Variants in MYLK4 observed in about 807,000 individuals in gnomAD.
The protein encoded by MYLK4 is caMLCK like.
In MYLK4, 46 loss-of-function variants were observed where a neutral mutation model predicts 48.1. The ratio of observed to expected loss-of-function variants is 0.96; its 90% confidence interval spans 0.75 to 1.22. The LOEUF is 1.22. Among genes scored for constraint, MYLK4 ranks in the 50% most tolerant of loss-of-function variants. MYLK4 has a pLI of 0.00. For missense variants in MYLK4, 451 were observed against 486.1 expected, an observed-to-expected ratio of 0.93 and a Z score of 0.68; for synonymous variants, 170 against 180.8, an observed-to-expected ratio of 0.94 and a Z score of 0.48.
At chr6:2,719,159 C>T (rs970295822) in intron 2 of MYLK4, among the ~76,000 whole-genome samples, 1 of 152,164 alleles carries the variant, frequency 6.6e-6, no homozygotes, top group Non-Finnish European at 1.5e-5. Flanking sequence ...CTTCAAAGGG[C>T]AGGACATGCA....
chr6:2,697,196 C>T (rs1293888342), intron 2 of MYLK4, among the ~76,000 whole-genome samples: 2 of 152,088 alleles, frequency 1.3e-5, no homozygotes, highest in Non-Finnish European at 2.9e-5. Flanking sequence ...AATTTGGAGA[C>T]AATTGTAGAT....
At chr6:2,671,414 T>G in intron 11 of MYLK4, 66 bp from the exon 12 acceptor site, 1 of 1,460,900 alleles carries the variant, frequency 6.8e-7, no homozygotes. Flanking sequence ...ACTTATGAGC[T>G]CACATGAAAA....
intron 12 of MYLK4, among the ~76,000 whole-genome samples, chr6:2,669,603 G>A (rs1346378851): frequency 6.6e-6 from 1 of 152,144 alleles, no homozygotes; most frequent in East Asian, 1.9e-4. Flanking sequence ...TGGGGGTGAG[G>A]GTGAAGGCGA....
Position 2,711,882 on chromosome 6 carries a change from T to C in MYLK4, c.160-19023A>G, listed in dbSNP as rs184018640. Among the ~76,000 whole-genome samples the C allele has an allele frequency of 4.6e-5, 7 of 152,242 alleles. No homozygotes were observed. In the East Asian group the frequency reaches 1.3e-3, roughly 29 times the overall value. On this transcript the variant is annotated intron_variant, in intron 2 of 12. Coordinates refer to ENST00000274643, the MANE Select transcript of MYLK4 (RefSeq NM_001012418.5). ...AAAAAAGCAACATACAAATGATAAA[T>C]GTTTTTCAAAATAACTAAAGCTCTT... is the stretch of plus-strand genomic sequence containing the variant.
the MYLK4 span, among the ~76,000 whole-genome samples, chr6:2,759,915 G>C: frequency 2.6e-5 from 4 of 152,080 alleles, no homozygotes; most frequent in Admixed American, 1.3e-4. Context: ...CCAATAATTT[G>C]ACAATACAGT....
At chr6:2,762,295 A>T in the MYLK4 span, among the ~76,000 whole-genome samples, 1 of 152,212 alleles carries the variant, frequency 6.6e-6, no homozygotes, top group African/African-American at 2.4e-5. Flanking sequence ...ACGTAAAATT[A>T]GGTCTATATG....
intron 9 of MYLK4, among the ~76,000 whole-genome samples, chr6:2,678,730 G>A (rs368151267): frequency 2.1e-5 from 1 of 47,956 alleles, no homozygotes; most frequent in Non-Finnish European, 4.4e-5. Context: ...TTTTTTTTTT[G>A]AGACGGAGTC....
intron 2 of MYLK4, among the ~76,000 whole-genome samples, chr6:2,734,908 C>A (rs952178606): frequency 6.6e-6 from 1 of 152,040 alleles, no homozygotes; most frequent in Admixed American, 6.6e-5. Context: ...GGATGGGGCC[C>A]GAGAGCCTGC....
At chr6:2,715,464 T>C (rs1762834782) in intron 2 of MYLK4, among the ~76,000 whole-genome samples, 1 of 152,220 alleles carries the variant, frequency 6.6e-6, no homozygotes, top group African/African-American at 2.4e-5. Flanking sequence ...TCTATGTTGC[T>C]GTTTGGAACC....
At chr6:2,671,909 G>T (rs1760910304) in intron 11 of MYLK4, among the ~76,000 whole-genome samples, 1 of 152,226 alleles carries the variant, frequency 6.6e-6, no homozygotes, top group African/African-American at 2.4e-5. Context: ...AGACTCAAAA[G>T]AAGAGCTGGG....
chr6:2,695,415 A>T (rs1052313812), intron 2 of MYLK4, among the ~76,000 whole-genome samples: 1 of 152,246 alleles, frequency 6.6e-6, no homozygotes, highest in Admixed American at 6.5e-5. Context: ...CCCTGAGGCC[A>T]TCTGAGTATC....
At chr6:2,753,734 CA>C (rs761080849), upstream of MYLK4, among the ~76,000 whole-genome samples, 5 of 151,278 alleles carry the variant, frequency 3.3e-5, no homozygotes, top group East Asian at 3.9e-4. Flanking sequence ...CAGACCTCAC[CA>C]AAGAAGATAT....
At position 2,685,422 on chromosome 6, in the gene MYLK4, A is replaced by C; in HGVS notation, c.436-17T>G. 1 of 1,282,216 alleles carries C rather than the reference A, an allele frequency of 7.8e-7. No individual in the cohort carries two copies. Among genetic ancestry groups the C allele is most frequent in the Non-Finnish European group, 1.1e-6 (1 of 944,724 alleles). The allele number at this position is 1,282,216 out of a possible 1,614,324, so 79.4% of individuals were successfully genotyped here. Reference sequence around the variant, plus strand: ...CACCTCCTCCTGAGAAGCAGGAAACAGTGCATTAGTGTGGTCAAGATGGGG... The same window carrying C: ...CACCTCCTCCTGAGAAGCAGGAAACCGTGCATTAGTGTGGTCAAGATGGGG... On this transcript the variant is annotated splice_polypyrimidine_tract_variant and intron_variant, in intron 5 of 12. Transcript: ENST00000274643. This position sits in a 1 kb window ranked among gnomAD's most constrained non-coding sequence, Gnocchi z 4.5.
chr6:2,677,421 G>A (rs1045038475), intron 10 of MYLK4, among the ~76,000 whole-genome samples: 1 of 152,148 alleles, frequency 6.6e-6, no homozygotes, highest in Non-Finnish European at 1.5e-5. Context: ...ATAATAAAAC[G>A]ATAAGGCAAG....
At position 2,666,703 on chromosome 6, in the gene MYLK4, T is replaced by G. The variant is rs184471125; in HGVS notation, c.*1222A>C. 6.6e-6 allele frequency: 1 copy of G among 152,312 alleles called. No homozygotes were observed. The highest frequency in any genetic ancestry group is 1.9e-4 in the East Asian group (1 of 5,188). The allele number at this position is 152,312 out of a possible 1,614,324, so 9.4% of individuals were successfully genotyped here. A position where few individuals can be genotyped will look rare whatever the true frequency, so the allele number is the denominator to read the frequency against. ...CTTCATGTGGAAATGACACACTCAT[T>G]TCGCTCTTTAAAGCCCAGTGCCTTT... On this transcript the variant is annotated 3_prime_UTR_variant, in exon 13 of 13. Coordinates refer to ENST00000274643, the MANE Select transcript of MYLK4 (RefSeq NM_001012418.5).
In MYLK4 at chr6:2,671,161, C is replaced by A. The variant is rs562085235; in HGVS notation, c.*25+115G>T. 6 of 721,084 alleles carry A rather than the reference C, an allele frequency of 8.3e-6. No individual in the cohort carries two copies. The African/African-American group carries it at 8.9e-5, about 11-fold the overall frequency. 44.7% of individuals were successfully genotyped at this position (721,084 alleles called of 1,614,324 possible). A position where few individuals can be genotyped will look rare whatever the true frequency, so the allele number is the denominator to read the frequency against. ...CAGTCTGATTTCAGGGCCCTCCACG[C>A]CAGCCAAAACGCTGCTCTTCTTCCT... On this transcript the variant is annotated intron_variant, in intron 12 of 12. Coordinates refer to ENST00000274643, the MANE Select transcript of MYLK4 (RefSeq NM_001012418.5).
At chr6:2,683,819 G>A (rs549342837) in intron 6 of MYLK4, among the ~76,000 whole-genome samples, 84 of 152,152 alleles carry the variant, frequency 5.5e-4, no homozygotes, top group African/African-American at 1.9e-3. Flanking sequence ...ACTCCAGGAG[G>A]GGAACTCCAA....
At chr6:2,668,036 A>C (rs1171945203) in intron 12 of MYLK4, 137 bp from the exon 13 acceptor site, 2 of 152,574 alleles carry the variant, frequency 1.3e-5, no homozygotes, top group Non-Finnish European at 2.9e-5. Context: ...GGGGAAAAAA[A>C]AAAGAAACCT....
At chr6:2,725,147 C>A (rs1459999954) in intron 2 of MYLK4, among the ~76,000 whole-genome samples, 1 of 151,374 alleles carries the variant, frequency 6.6e-6, no homozygotes, top group Admixed American at 6.6e-5. Context: ...TGAGACTCTG[C>A]CTCAAAAACA....
Sources: gnomAD v4.1 joint callset for allele counts (sites outside exome capture counted in the v4.1 genomes callset) on GRCh38, gnomAD v4.1.1 for gene constraint, Gnocchi (gnomAD v3.1) non-coding constraint, MANE v1.5 for transcripts, NCBI Gene and HGNC (gene_info 2026-07-23, HGNC 2026-07-21) for gene names.